BLCAP: variants seen among roughly 807,000 people sequenced by gnomAD.
BLCAP encodes BLCAP apoptosis inducing factor, also known as apoptosis inducing factor BLCAP.
BLCAP carries 1 observed loss-of-function variant against 5.7 expected under a neutral mutation model. The ratio of observed to expected loss-of-function variants is 0.18; its 90% CI spans 0.06 to 0.83. The LOEUF (loss-of-function observed/expected upper bound fraction) is 0.83. BLCAP is among the 40% of genes least tolerant of loss of function. The pLI, the probability that BLCAP is intolerant of heterozygous loss-of-function variation, is 0.71. For missense variants in BLCAP, 66 were observed against 107.6 expected (o/e 0.61, Z 1.71); for synonymous variants, 48 against 49.4 (o/e 0.97, Z 0.11).
chr20:37,521,238 C>A lies in BLCAP; in HGVS notation c.-176-1888G>T, dbSNP rs866848528. ...GGGCGGGTACTTAAGGCGCGGCCAC[C>A]GCGGCTGCGGCAGTGCGCCCAACAG... On this transcript the variant is annotated intron_variant, in intron 1 of 1. Transcript: ENST00000373537. The surrounding 1 kb of genome is among the most constrained non-coding windows in gnomAD (Gnocchi z 4.5). 8 of 1,350,360 alleles carry A rather than the reference C, an allele frequency of 5.9e-6. No individual in the cohort carries two copies. In the South Asian group the frequency reaches 7.1e-5, roughly 12 times the overall value. The allele number at this position is 1,350,360 out of a possible 1,614,324, so 83.6% of individuals were successfully genotyped here.
At chr20:37,527,753 G>A (rs1465506525) in intron 1 of BLCAP, 40 bp downstream of exon 1, 1 of 152,150 alleles carries the variant, frequency 6.6e-6, no homozygotes, top group Non-Finnish European at 1.5e-5. Flanking sequence ...CCGCATGGAG[G>A]GCCTCTCATC....
intron 1 of BLCAP, among the ~76,000 whole-genome samples, chr20:37,525,424 G>A (rs1311224107): frequency 6.6e-6 from 1 of 152,224 alleles, no homozygotes; most frequent in Non-Finnish European, 1.5e-5. Context: ...TAGCCCCAGA[G>A]CTTTCCATAT....
chr20:37,522,617 A>AAT, intron 1 of BLCAP: 1 of 1,541,000 alleles, frequency 6.5e-7, no homozygotes, highest in Non-Finnish European at 8.8e-7. Context: ...CACCACAGAC[A>AAT]TGCTGTGGGT....
intron 1 of BLCAP, chr20:37,520,716 A>C (rs917651640): frequency 2.6e-5 from 4 of 152,906 alleles, no homozygotes; most frequent in African/African-American, 9.6e-5. Context: ...CAGACGGGTT[A>C]CGCGCTCAGG....
chr20:37,522,952 C>G (rs1203745752), intron 1 of BLCAP: 3 of 570,018 alleles, frequency 5.3e-6, no homozygotes, highest in Non-Finnish European at 9.4e-6. Context: ...TACCAGATCC[C>G]TTCCCAACCC....
At chr20:37,526,271 T>TCCCCCCCCCCCC (rs11477433) in intron 1 of BLCAP, among the ~76,000 whole-genome samples, 5 of 125,288 alleles carry the variant, frequency 4.0e-5, no homozygotes, top group Non-Finnish European at 5.0e-5. Context: ...GCAGTTAACT[T>TCCCCCCCCCCCC]CCCCCCCCCA....
At position 37,519,284 on chromosome 20, in the gene BLCAP, A is replaced by T; in HGVS notation, c.-110T>A. On this transcript the variant is annotated 5_prime_UTR_variant, in exon 2 of 2. Coordinates refer to ENST00000373537, the MANE Select transcript of BLCAP (RefSeq NM_006698.4). ...CTGCCCTCCGCTTTCTTCAACCCTC[A>T]CTCTCCAGGAGCTGAGCCGCTGTGC... 1 of 1,328,002 alleles carries T rather than the reference A, an allele frequency of 7.5e-7. No individual in the cohort carries two copies. Among genetic ancestry groups the T allele is most frequent in the Non-Finnish European group, 1.0e-6 (1 of 984,588 alleles). The allele number at this position is 1,328,002 out of a possible 1,614,324, so 82.3% of individuals were successfully genotyped here. A position where few individuals can be genotyped will look rare whatever the true frequency, so the allele number is the denominator to read the frequency against.
chr20:37,521,277 C>G lies in BLCAP; in HGVS notation c.-176-1927G>C. 1.3e-6 allele frequency: 2 copies of G among 1,581,840 alleles called. No homozygotes were observed. The highest frequency in any genetic ancestry group is 8.7e-7 in the Non-Finnish European group (1 of 1,151,076). ...TGCGCCCAACAGCGGACTCCGAGAC[C>G]AGCGGATCTCGGCAAACCCTCTTTC... On this transcript the variant is annotated intron_variant, in intron 1 of 1. Transcript: ENST00000373537. This position sits in a 1 kb window ranked among gnomAD's most constrained non-coding sequence, Gnocchi z 4.5.
At chr20:37,523,693 T>A (rs1176806937) in intron 1 of BLCAP, 1 of 152,618 alleles carries the variant, frequency 6.6e-6, no homozygotes, top group Admixed American at 6.5e-5. Context: ...CACCAAAACT[T>A]TGTCTCTTGT....
In BLCAP at chr20:37,521,536, C is replaced by G. The variant is rs921113925; in HGVS notation, c.-176-2186G>C. 2 of 920,582 alleles carry G rather than the reference C, an allele frequency of 2.2e-6. No homozygotes were observed. The highest frequency in any genetic ancestry group is 3.4e-6 in the Non-Finnish European group (2 of 585,646). 57.0% of individuals were successfully genotyped at this position (920,582 alleles called of 1,614,324 possible). The stretch of plus-strand genomic sequence containing the variant: ...CCGCGATCCTTGCCTGCCCAAGTGC[C>G]GCTGCCGGCACCGCGCGCCCCCTGC... On this transcript the variant is annotated intron_variant, in intron 1 of 1. Transcript: ENST00000373537. The surrounding 1 kb of genome is among the most constrained non-coding windows in gnomAD (Gnocchi z 4.5).
In BLCAP at chr20:37,521,186, C is replaced by G. The variant is rs866230599; in HGVS notation, c.-176-1836G>C. ...GCCACCCCTCCTCATAAACACCCCC[C>G]AAGGCGCGCATGCGCACTTAGGTGG... On this transcript the variant is annotated intron_variant, in intron 1 of 1. Coordinates refer to ENST00000373537, the MANE Select transcript of BLCAP (RefSeq NM_006698.4). The surrounding 1 kb of genome is among the most constrained non-coding windows in gnomAD (Gnocchi z 4.5). 10 of 780,288 alleles carry G rather than the reference C, an allele frequency of 1.3e-5. No homozygotes were observed. The East Asian group carries it at 1.7e-4, about 13-fold the overall frequency. 48.3% of individuals were successfully genotyped at this position (780,288 alleles called of 1,614,324 possible).
chr20:37,526,935 C>CA (rs1210678701), intron 1 of BLCAP: 1 of 152,210 alleles, frequency 6.6e-6, no homozygotes, highest in Non-Finnish European at 1.5e-5. Context: ...TCAGGCAGGG[C>CA]AGAGAAGCCG....
Position 37,521,514 on chromosome 20 carries a change from C to A in BLCAP, c.-176-2164G>T. 9.1e-7 allele frequency: 1 copy of A among 1,099,410 alleles called. No individual in the cohort carries two copies. Among genetic ancestry groups the A allele is most frequent in the Non-Finnish European group, 1.4e-6 (1 of 730,006 alleles). 68.1% of individuals were successfully genotyped at this position (1,099,410 alleles called of 1,614,324 possible). A position where few individuals can be genotyped will look rare whatever the true frequency, so the allele number is the denominator to read the frequency against. ...CGGACCCGTCCTATTCCGATTGCCG[C>A]GATCCTTGCCTGCCCAAGTGCCGCT... is the stretch of plus-strand genomic sequence containing the variant. On this transcript the variant is annotated intron_variant, in intron 1 of 1. Coordinates refer to ENST00000373537, the MANE Select transcript of BLCAP (RefSeq NM_006698.4). This position sits in a 1 kb window ranked among gnomAD's most constrained non-coding sequence, Gnocchi z 4.5.
chr20:37,522,523 G>A, intron 1 of BLCAP: 2 of 1,327,874 alleles, frequency 1.5e-6, no homozygotes, highest in Non-Finnish European at 2.1e-6. Flanking sequence ...CTGACTCGTG[G>A]ACAAGCTGCG....
intron 1 of BLCAP, chr20:37,523,058 C>T (rs557611894): frequency 2.8e-6 from 1 of 360,594 alleles, no homozygotes; most frequent in Non-Finnish European, 5.0e-6. Context: ...GCATTCTGAT[C>T]TGGACAAAGT....
chr20:37,526,927 A>T (rs1425018798), intron 1 of BLCAP: 1 of 152,234 alleles, frequency 6.6e-6, no homozygotes. Context: ...GGACCATGTC[A>T]GGCAGGGCAG....
intron 1 of BLCAP, among the ~76,000 whole-genome samples, chr20:37,520,916 C>G (rs1317537043): frequency 6.6e-6 from 1 of 152,168 alleles, no homozygotes; most frequent in Non-Finnish European, 1.5e-5. Context: ...GCACCGGAGA[C>G]TGAGCTCAAA....
intron 1 of BLCAP, among the ~76,000 whole-genome samples, chr20:37,522,101 A>G (rs1370783206): frequency 6.6e-6 from 1 of 151,478 alleles, no homozygotes; most frequent in Non-Finnish European, 1.5e-5. Flanking sequence ...GCTTTAAAGA[A>G]AAAAATTAGA....
In BLCAP at chr20:37,527,366, C is replaced by A. The variant is rs557116961; in HGVS notation, c.-177+427G>T. On this transcript the variant is annotated intron_variant, in intron 1 of 1. Coordinates refer to ENST00000373537, the MANE Select transcript of BLCAP (RefSeq NM_006698.4). ...ACCCCCACGTCCCCCCACCTCCCCC[C>A]CAAAAAAGCAACTAAAGCAACGCAA... 6.7e-4 allele frequency among the ~76,000 whole-genome samples: 101 copies of A among 150,848 alleles called. 1 individual carries two copies. In the South Asian group the frequency reaches 0.011, roughly 17 times the overall value.
Sources: allele counts gnomAD v4.1 joint callset (sites outside exome capture counted in the v4.1 genomes callset), GRCh38; gene constraint gnomAD v4.1.1; non-coding constraint Gnocchi (gnomAD v3.1); transcripts MANE v1.5; gene names NCBI Gene and HGNC (gene_info 2026-07-23, HGNC 2026-07-21).